EXOC6: variants seen among roughly 807,000 people sequenced by gnomAD.
The protein encoded by EXOC6 is exocyst complex component 6, also known as SEC15-like 1.
A neutral mutation model predicts 112.5 loss-of-function variants in EXOC6; 60 were observed. The observed-to-expected ratio is 0.53, with a 90% CI of 0.43 to 0.66. The LOEUF is 0.66. Ranked by LOEUF, EXOC6 falls within the 30% of genes least tolerant of loss-of-function variation. The pLI, the probability that EXOC6 is intolerant of heterozygous loss-of-function variation, is 0.00. For synonymous variants in EXOC6, 295 were observed against 308.0 expected, an observed-to-expected ratio of 0.96 and a Z score of 0.44; for missense variants, 855 against 957.1, an observed-to-expected ratio of 0.89 and a Z score of 1.41.
chr10:92,850,728 A>T (rs1378183587), intron 1 of EXOC6, among the ~76,000 whole-genome samples: 1 of 152,236 alleles, frequency 6.6e-6, no homozygotes, highest in African/African-American at 2.4e-5. Flanking sequence ...AATCCAAGAC[A>T]TCAATTTATT....
intron 13 of EXOC6, among the ~76,000 whole-genome samples, chr10:92,943,390 A>G (rs1329246114): frequency 1.3e-5 from 2 of 152,158 alleles, no homozygotes; most frequent in East Asian, 1.9e-4. Context: ...TATTTTATAA[A>G]TAGTGAATTG....
At chr10:92,971,984 A>T (rs1229009679) in intron 17 of EXOC6, among the ~76,000 whole-genome samples, 1 of 152,180 alleles carries the variant, frequency 6.6e-6, no homozygotes, top group Non-Finnish European at 1.5e-5. Flanking sequence ...ACCTTTCTGA[A>T]CTAAATCTGT....
At chr10:92,828,996 G>A (rs970060250) in intron 1 of EXOC6, among the ~76,000 whole-genome samples, 2 of 152,122 alleles carry the variant, frequency 1.3e-5, no homozygotes, top group Non-Finnish European at 1.5e-5. Context: ...ACAAAGAGGA[G>A]CCTGTAAAAT....
intron 1 of EXOC6, among the ~76,000 whole-genome samples, chr10:92,862,535 C>T (rs535468973): frequency 6.6e-6 from 1 of 152,236 alleles, no homozygotes; most frequent in South Asian, 2.1e-4. Context: ...CATCTATGAA[C>T]CAGAACTCAC....
intron 1 of EXOC6, among the ~76,000 whole-genome samples, chr10:92,835,919 T>C (rs772413033): frequency 1.3e-5 from 2 of 152,226 alleles, no homozygotes; most frequent in Non-Finnish European, 2.9e-5. Context: ...TAATTTTCAA[T>C]AGCAGAAATC....
At chr10:92,974,767 T>C (rs1408409042) in intron 18 of EXOC6, among the ~76,000 whole-genome samples, 1 of 152,158 alleles carries the variant, frequency 6.6e-6, no homozygotes, top group African/African-American at 2.4e-5. Flanking sequence ...GGGGTTTCGC[T>C]GTGTTGGCCG....
intron 13 of EXOC6, among the ~76,000 whole-genome samples, chr10:92,945,053 C>G (rs1177431426): frequency 1.3e-5 from 2 of 151,498 alleles, no homozygotes; most frequent in East Asian, 1.9e-4. Context: ...ATTACAGGTG[C>G]GAGCCACTGT....
chr10:92,844,306 G>C (rs1010511789), upstream of EXOC6, among the ~76,000 whole-genome samples: 1 of 152,210 alleles, frequency 6.6e-6, no homozygotes, highest in Non-Finnish European at 1.5e-5. Flanking sequence ...CATCGTCCCT[G>C]TGCCTGATGT....
intron 1 of EXOC6, among the ~76,000 whole-genome samples, chr10:92,874,417 T>G (rs1848598534): frequency 7.3e-6 from 1 of 136,910 alleles, no homozygotes; most frequent in Non-Finnish European, 1.6e-5. Flanking sequence ...ATTCTTTATA[T>G]TGTGACACAA....
chr10:92,952,488 A>G, intron 15 of EXOC6, 106 bp downstream of exon 15: 2 of 732,318 alleles, frequency 2.7e-6, no homozygotes. Context: ...TTTTAGATTC[A>G]TGGGGTACAT....
chr10:92,894,426 A>G (rs1198695116), intron 2 of EXOC6, among the ~76,000 whole-genome samples: 1 of 152,206 alleles, frequency 6.6e-6, no homozygotes, highest in South Asian at 2.1e-4. Context: ...ATAAAATGCA[A>G]TCACCATTTC....
intron 18 of EXOC6, among the ~76,000 whole-genome samples, chr10:92,984,033 G>A (rs912559096): frequency 1.3e-5 from 2 of 151,894 alleles, no homozygotes; most frequent in Non-Finnish European, 2.9e-5. Flanking sequence ...ATCCTTTCTC[G>A]TAGGCTGGCT....
At chr10:92,874,489 T>C (rs1470328811) in intron 1 of EXOC6, among the ~76,000 whole-genome samples, 1 of 152,164 alleles carries the variant, frequency 6.6e-6, no homozygotes, top group Non-Finnish European at 1.5e-5. Context: ...ACTTATTCAT[T>C]TGGGAAGATA....
chr10:92,921,703 A>T (rs7919095), intron 8 of EXOC6, among the ~76,000 whole-genome samples: 68,605 of 147,596 alleles, frequency 0.46, 16,968 homozygotes, highest in African/African-American at 0.63. Flanking sequence ...GATGGAGTGC[A>T]GTGGCGTGAT....
chr10:92,904,902 A>G (rs768415973), intron 5 of EXOC6, among the ~76,000 whole-genome samples: 11 of 152,016 alleles, frequency 7.2e-5, no homozygotes, highest in African/African-American at 2.2e-4. Context: ...CCCTTGTGTT[A>G]TCTTCTAGAG....
intron 20 of EXOC6, among the ~76,000 whole-genome samples, chr10:93,037,444 A>ATT (rs397846785): frequency 0.023 from 3,312 of 146,812 alleles, 114 homozygotes; most frequent in African/African-American, 0.073. Flanking sequence ...ATTATTCTCC[A>ATT]TTTTTTTTTT....
chr10:92,834,790 C>A, exon 1 of EXOC6: 1 of 1,610,058 alleles, frequency 6.2e-7, no homozygotes, highest in East Asian at 2.2e-5. Flanking sequence ...GGCTGAGATT[C>A]AGTCTTTCGA....
chr10:93,040,898 TC>T (rs1845734840), intron 20 of EXOC6, among the ~76,000 whole-genome samples: 1 of 152,196 alleles, frequency 6.6e-6, no homozygotes, highest in Admixed American at 6.5e-5. Context: ...AATGTTGGTT[TC>T]CCCAAGGTTT....
intron 19 of EXOC6, among the ~76,000 whole-genome samples, chr10:93,005,952 G>C (rs1472511785): frequency 6.6e-6 from 1 of 152,092 alleles, no homozygotes; most frequent in Non-Finnish European, 1.5e-5. Context: ...TTGAGCCCAG[G>C]GGTTCGAGAC....
Sources: gnomAD v4.1 joint callset for allele counts (sites outside exome capture counted in the v4.1 genomes callset) on GRCh38, gnomAD v4.1.1 for gene constraint, MANE v1.5 for transcripts, NCBI Gene and HGNC (gene_info 2026-07-23, HGNC 2026-07-21) for gene names.